RTEL1: variants seen among roughly 807,000 people sequenced by gnomAD.
The protein encoded by RTEL1 is regulator of telomere elongation helicase 1, also known as regulator of telomere length.
Under a neutral mutation model 162.2 loss-of-function variants are expected in RTEL1, and 86 were observed. That is an observed-to-expected ratio of 0.53 (90% CI 0.45 to 0.63). The LOEUF is 0.63. Among genes scored for constraint, RTEL1 ranks in the 30% least tolerant of loss-of-function variants. The pLI is 0.00. For missense variants in RTEL1, 1,941 were observed against 1,750.2 expected (o/e 1.11, Z -1.95); for synonymous variants, 958 against 717.9 (o/e 1.33, Z -5.35).
chr20:63,695,334 C>A lies in RTEL1; in HGVS notation c.3506C>A (p.Ser1169Ter). The change falls in exon 34 of 35, where the codon TCA (serine) becomes TAA (stop). Residue 1169 changes from serine to a stop codon, truncating the protein, a stop_gained. Transcript: ENST00000360203. LOFTEE classifies it high-confidence loss of function. ...LTHRAPQPGP[S>*]RSEKTGKTQS... ...CTCAAGTCTCTGTCTCCAGGCCCCTCACGGTCCGAGAAGACCGGGAAGACC... is the reference window on the plus strand; with the variant it reads ...CTCAAGTCTCTGTCTCCAGGCCCCTAACGGTCCGAGAAGACCGGGAAGACC... 1 of 1,559,652 alleles carries A rather than the reference C, an allele frequency of 6.4e-7. No homozygotes were observed. Among genetic ancestry groups the A allele is most frequent in the Non-Finnish European group, 8.7e-7 (1 of 1,152,508 alleles).
At chr20:63,691,598 C>G (rs1372807414) in intron 27 of RTEL1, 144 bp from the exon 28 acceptor site, 4 of 663,292 alleles carry the variant, frequency 6.0e-6, no homozygotes. Flanking sequence ...GGCACTGTCA[C>G]CGGGGTGTGC....
chr20:63,686,920 C>G (rs1368080153), intron 16 of RTEL1: 3 of 161,144 alleles, frequency 1.9e-5, no homozygotes, highest in African/African-American at 7.2e-5. Flanking sequence ...CCACTCCCTG[C>G]ACTGGGCGTT....
chr20:63,671,699 G>A (rs1269386376), intron 8 of RTEL1, among the ~76,000 whole-genome samples: 1 of 147,986 alleles, frequency 6.8e-6, no homozygotes, highest in Admixed American at 6.8e-5. Context: ...CACAGTGTTC[G>A]CCAGGCTGGT....
rs1047111556 is a variant in RTEL1 at position 63,680,015 on chromosome 20, G to A, written c.1135+69G>A. The stretch of plus-strand genomic sequence containing the variant: ...AGGGGGTGCAGCAGGCCTCCATCTT[G>A]GCAGTCAGGGCTCCCCTGGCCGTCA... On this transcript the variant is annotated intron_variant, in intron 13 of 34. Transcript: ENST00000360203. 6 of 1,081,650 alleles carry A rather than the reference G, an allele frequency of 5.5e-6. No individual in the cohort carries two copies. In the African/African-American group the frequency reaches 7.9e-5, roughly 14 times the overall value. The allele number at this position is 1,081,650 out of a possible 1,614,324, so 67.0% of individuals were successfully genotyped here.
At chr20:63,687,560 G>A in intron 16 of RTEL1, 78 bp from the exon 17 acceptor site, 1 of 1,447,620 alleles carries the variant, frequency 6.9e-7, no homozygotes, top group Non-Finnish European at 9.3e-7. Context: ...TGGAGAGGGT[G>A]ATGGGCAGAG....
At chr20:63,695,246 T>C (rs762473355) in intron 33 of RTEL1, 25 bp downstream of exon 33, 4 of 1,608,872 alleles carry the variant, frequency 2.5e-6, no homozygotes, top group Middle Eastern at 1.6e-4. Context: ...TGGCTGCTCC[T>C]GGCAGCGCCC....
intron 10 of RTEL1, among the ~76,000 whole-genome samples, chr20:63,675,094 A>G (rs990231306): frequency 3.3e-5 from 5 of 152,008 alleles, no homozygotes; most frequent in African/African-American, 7.3e-5. Context: ...TTTAGTAGAG[A>G]TGGTTTCTCC....
In RTEL1 at chr20:63,661,374, G is replaced by A. The variant is rs763415620; in HGVS notation, c.179G>A (p.Arg60Gln). ...CTGCTGTGCACCACGCTGGCCTGGCGAGAACACCTCCGAGACGGCATCTCT... is the reference window on the plus strand; with the variant it reads ...CTGCTGTGCACCACGCTGGCCTGGCAAGAACACCTCCGAGACGGCATCTCT... Reference protein sequence around the residue: ...LCLLCTTLAWREHLRDGISAR... With the variant: ...LCLLCTTLAWQEHLRDGISAR... Residue 60 changes from arginine (R) to glutamine (Q), a missense_variant, in exon 3 of 35, where the codon CGA (arginine) becomes CAA (glutamine). Transcript: ENST00000360203. This position sits in a 1 kb window ranked among gnomAD's most constrained non-coding sequence, Gnocchi z 5.1. 1.1e-5 allele frequency: 18 copies of A among 1,613,692 alleles called. No homozygotes were observed. Among genetic ancestry groups the A allele is most frequent in the Non-Finnish European group, 1.4e-5 (17 of 1,180,054 alleles).
chr20:63,691,692 A>C (rs2090748702), intron 27 of RTEL1, 50 bp from the exon 28 acceptor site: 4 of 1,524,326 alleles, frequency 2.6e-6, no homozygotes, highest in African/African-American at 2.7e-5. Context: ...TTGGGACCCC[A>C]GAGTGTGTGG....
At chr20:63,681,005 G>A (rs1283125379) in intron 14 of RTEL1, 11 of 985,388 alleles carry the variant, frequency 1.1e-5, no homozygotes, top group African/African-American at 1.7e-5. Flanking sequence ...TGCCCTGTCC[G>A]GGCCCTCAGG....
chr20:63,678,368 C>T (rs1273472438), intron 12 of RTEL1, 22 bp downstream of exon 12: 2 of 1,598,942 alleles, frequency 1.3e-6, no homozygotes, highest in Admixed American at 1.7e-5. Context: ...GGAGCCAGCC[C>T]CTTCACTGCA....
intron 8 of RTEL1, among the ~76,000 whole-genome samples, chr20:63,672,044 C>T (rs1434718034): frequency 6.6e-6 from 1 of 150,854 alleles, no homozygotes; most frequent in Non-Finnish European, 1.5e-5. Context: ...CCACCACCCC[C>T]TGCTAATTTT....
intron 8 of RTEL1, among the ~76,000 whole-genome samples, chr20:63,669,477 G>T (rs985631931): frequency 6.6e-6 from 1 of 152,140 alleles, no homozygotes; most frequent in Non-Finnish European, 1.5e-5. Context: ...TTGAGAAAAT[G>T]AAAAAGCAGT....
intron 14 of RTEL1, among the ~76,000 whole-genome samples, chr20:63,682,862 C>G (rs1468596828): frequency 1.8e-4 from 27 of 152,246 alleles, no homozygotes; most frequent in Non-Finnish European, 1.5e-5. Context: ...AGTGCTGGCC[C>G]GTGTTGGGGA....
chr20:63,690,300 G>A lies in RTEL1; in HGVS notation c.2272G>A (p.Ala758Thr). ...CACCCCCATGGTTCTGCAGATGCCA[G>A]CGCCGGCCCCCCGGGCTACAGCACC... The part of the protein sequence containing the change: ...FFRVAERTMP[A>T]PAPRATAPSV... The change falls in exon 26 of 35, where the codon GCG becomes ACG. Residue 758 changes from alanine (A) to threonine (T), a missense_variant. Coordinates refer to ENST00000360203, the MANE Select transcript of RTEL1 (RefSeq NM_001283009.2). 1 of 1,605,870 alleles carries A rather than the reference G, an allele frequency of 6.2e-7. No individual in the cohort carries two copies. Among genetic ancestry groups the A allele is most frequent in the Non-Finnish European group, 8.5e-7 (1 of 1,174,904 alleles).
At chr20:63,693,430 CCACCACCAG>C (rs1180990015) in intron 30 of RTEL1, 147 bp downstream of exon 30, 2 of 894,604 alleles carry the variant, frequency 2.2e-6, no homozygotes, top group East Asian at 2.6e-5. Flanking sequence ...GCCTCCACCT[CCACCACCAG>C]CACCAGCAGC....
At position 63,683,761 on chromosome 20, in the gene RTEL1, C is replaced by G. The variant is rs1232024967; in HGVS notation, c.1192-1762C>G. 2.0e-5 allele frequency among the ~76,000 whole-genome samples: 3 copies of G among 152,162 alleles called. No homozygotes were observed. In the East Asian group the frequency reaches 5.8e-4, roughly 29 times the overall value. ...GCGTTCCTGTTCTGGCCGTTTTTGG[C>G]TCGTTTTCCAGGAACGGTCGTCACG... On this transcript the variant is annotated intron_variant, in intron 14 of 34. Transcript: ENST00000360203.
chr20:63,672,839 C>T (rs916687001), intron 9 of RTEL1, among the ~76,000 whole-genome samples: 4 of 152,204 alleles, frequency 2.6e-5, no homozygotes, highest in African/African-American at 4.8e-5. Context: ...GGGACCTGCC[C>T]GTCAGGCGCA....
chr20:63,663,019 T>G, intron 6 of RTEL1, 130 bp downstream of exon 6: 2 of 863,430 alleles, frequency 2.3e-6, no homozygotes, highest in Non-Finnish European at 1.9e-6. Flanking sequence ...ACCTGGGCCC[T>G]GTCTTCTGAC....
Sources: gnomAD v4.1 joint callset for allele counts (sites outside exome capture counted in the v4.1 genomes callset) on GRCh38, gnomAD v4.1.1 for gene constraint, Gnocchi (gnomAD v3.1) non-coding constraint, MANE v1.5 for transcripts, NCBI Gene and HGNC (gene_info 2026-07-23, HGNC 2026-07-21) for gene names.